BICRA: variants seen among roughly 807,000 people sequenced by gnomAD.
The protein encoded by BICRA is BRD4-interacting chromatin-remodeling complex-associated protein.
In BICRA, 31 loss-of-function variants were observed where a neutral mutation model predicts 96.9. The ratio of observed to expected loss-of-function variants is 0.32; its 90% CI spans 0.24 to 0.43. BICRA has a LOEUF of 0.43. BICRA is among the 20% of genes least tolerant of loss of function. The pLI is 1.00. For synonymous variants in BICRA, 1,350 were observed against 1,071.8 expected, an observed-to-expected ratio of 1.26 and a Z score of -5.07; for missense variants, 2,283 against 2,190.3, an observed-to-expected ratio of 1.04 and a Z score of -0.84.
chr19:47,699,429 A>T lies in BICRA; in HGVS notation c.3595+24A>T. On this transcript the variant is annotated intron_variant, in intron 14 of 14. Coordinates refer to ENST00000594866, the MANE Select transcript of BICRA (RefSeq NM_001394372.1). The surrounding 1 kb of genome is among the most constrained non-coding windows in gnomAD (Gnocchi z 5.0). ...GGGTGAGAGGGGGGAGTGAGAGGGG[A>T]GGGGAGGGAGAGGTGCCCCCACCCC... 9 of 1,182,306 alleles carry T rather than the reference A, an allele frequency of 7.6e-6. No individual in the cohort carries two copies. The highest frequency in any genetic ancestry group is 1.5e-5 in the African/African-American group (1 of 65,982). 73.2% of individuals were successfully genotyped at this position (1,182,306 alleles called of 1,614,324 possible).
In BICRA at chr19:47,701,653, G is replaced by T. The variant is rs1329025944; in HGVS notation, c.3921G>T (p.Gly1307=). 6.3e-7 allele frequency: 1 copy of T among 1,599,084 alleles called. No individual in the cohort carries two copies. Among genetic ancestry groups the T allele is most frequent in the Admixed American group, 1.7e-5 (1 of 58,326 alleles). ...CCTACGAGGCCCGGAGCCGCATCGG[G>T]CTCAAGCTCAAGATCAAGCAGGAAG... ...IKTYEARSRI[G]LKLKIKQEAG... is the part of the protein sequence containing the mutation. The change falls in exon 15 of 15, where the codon GGG becomes GGT. Residue 1307 remains glycine, a synonymous_variant. Coordinates refer to ENST00000594866, the MANE Select transcript of BICRA (RefSeq NM_001394372.1). This position sits in a 1 kb window ranked among gnomAD's most constrained non-coding sequence, Gnocchi z 5.4.
Position 47,701,497 on chromosome 19 carries a change from C to T in BICRA, c.3765C>T (p.Gly1255=). 1.3e-6 allele frequency: 2 copies of T among 1,548,614 alleles called. No homozygotes were observed. Among genetic ancestry groups the T allele is most frequent in the East Asian group, 2.4e-5 (1 of 40,860 alleles). The change falls in exon 15 of 15, where the codon GGC becomes GGT. Residue 1255 remains glycine, a synonymous_variant. Transcript: ENST00000594866. The surrounding 1 kb of genome is among the most constrained non-coding windows in gnomAD (Gnocchi z 5.4). ...TGATCCGGCACGGCGGGGCAGGCGG[C>T]TCCCCTTCGGTCACCTGGGCCCGGG... The part of the protein sequence containing the change: ...KLVIRHGGAG[G]SPSVTWARAS...
At chr19:47,635,067 C>G (rs550475900) in intron 1 of BICRA, among the ~76,000 whole-genome samples, 1 of 151,628 alleles carries the variant, frequency 6.6e-6, no homozygotes, top group East Asian at 2.0e-4. Context: ...TGGCCACATA[C>G]GTAAAGCTTT....
intron 6 of BICRA, 101 bp downstream of exon 6, chr19:47,681,377 G>T: frequency 1.9e-6 from 2 of 1,029,282 alleles, no homozygotes; most frequent in Non-Finnish European, 2.7e-6. Flanking sequence ...GGATGCCACT[G>T]TGGCAGCTGG....
Position 47,653,957 on chromosome 19 carries a change from C to T in BICRA, c.-107-16486C>T, listed in dbSNP as rs1429661368. Among the ~76,000 whole-genome samples, 9 of 152,256 alleles carry T rather than the reference C, an allele frequency of 5.9e-5. No homozygotes were observed. In the East Asian group the frequency reaches 9.7e-4, roughly 16 times the overall value. Reference sequence around the variant, plus strand: ...AAGTGACTCTCCTGCCTCAGGCTCCCGAGTAGCTGGTATTACAAGCGTGAG... The same window carrying T: ...AAGTGACTCTCCTGCCTCAGGCTCCTGAGTAGCTGGTATTACAAGCGTGAG... On this transcript the variant is annotated intron_variant, in intron 1 of 14. Coordinates refer to ENST00000594866, the MANE Select transcript of BICRA (RefSeq NM_001394372.1).
At chr19:47,631,799 C>T (rs1299365769) in intron 1 of BICRA, among the ~76,000 whole-genome samples, 3 of 152,238 alleles carry the variant, frequency 2.0e-5, no homozygotes, top group Admixed American at 6.5e-5. Context: ...CAGGTGCACA[C>T]TACCACGCCT....
intron 7 of BICRA, 79 bp from the exon 8 acceptor site, chr19:47,694,036 A>C (rs1973282691): frequency 7.0e-7 from 1 of 1,422,694 alleles, no homozygotes; most frequent in Non-Finnish European, 9.2e-7. Flanking sequence ...ATGGCTGGGG[A>C]CCCCAGTGTC....
At chr19:47,645,763 T>G (rs1234247766) in intron 1 of BICRA, among the ~76,000 whole-genome samples, 1 of 152,206 alleles carries the variant, frequency 6.6e-6, no homozygotes, top group Non-Finnish European at 1.5e-5. Context: ...CCTCAGGCAT[T>G]CAGTTTGCAC....
intron 1 of BICRA, 64 bp downstream of exon 1, chr19:47,609,232 G>C (rs1294277392): frequency 6.6e-6 from 1 of 150,928 alleles, no homozygotes; most frequent in Non-Finnish European, 1.5e-5. Context: ...CTGCGAGTCG[G>C]GGCTGTGACA....
chr19:47,655,525 C>CAAA (rs58172799), intron 1 of BICRA, among the ~76,000 whole-genome samples: 1,122 of 65,008 alleles, frequency 0.017, 25 homozygotes, highest in African/African-American at 0.065. Flanking sequence ...AACTCTGTCT[C>CAAA]AAAAAAAAAA....
chr19:47,673,668 C>G, intron 3 of BICRA, 52 bp from the exon 4 acceptor site: 1 of 1,565,930 alleles, frequency 6.4e-7, no homozygotes, highest in Non-Finnish European at 8.8e-7. Context: ...CCTCCCTTCC[C>G]TCCCCTCCCC....
At chr19:47,616,519 A>G (rs2123505182) in intron 1 of BICRA, among the ~76,000 whole-genome samples, 1 of 152,120 alleles carries the variant, frequency 6.6e-6, no homozygotes, top group South Asian at 2.1e-4. Context: ...CATGCTTGTA[A>G]TCCCAGCTAC....
chr19:47,681,961 G>T lies in BICRA; in HGVS notation c.2107-15G>T, dbSNP rs1416692744. The T allele has an allele frequency of 2.6e-6, 4 of 1,539,230 alleles. No individual in the cohort carries two copies. The African/African-American group carries it at 5.5e-5, about 21-fold the overall frequency. On this transcript the variant is annotated splice_polypyrimidine_tract_variant and intron_variant, in intron 6 of 14. Transcript: ENST00000594866. ...GGGGGCGGCTTTCTGATCCTGTGCG[G>T]GCTGCCCGTTGCAGGAGAGGAGCCA...
At chr19:47,666,728 C>A (rs2123567512) in intron 1 of BICRA, among the ~76,000 whole-genome samples, 1 of 152,130 alleles carries the variant, frequency 6.6e-6, no homozygotes, top group Non-Finnish European at 1.5e-5. Flanking sequence ...CCCACCACCA[C>A]CCCCTGGCTA....
chr19:47,664,152 C>G (rs561540022), intron 1 of BICRA, among the ~76,000 whole-genome samples: 16 of 152,160 alleles, frequency 1.1e-4, no homozygotes, highest in Non-Finnish European at 2.4e-4. Flanking sequence ...TGATATCGTT[C>G]TGGAGACTTT....
At chr19:47,629,025 G>A (rs187251797) in intron 1 of BICRA, among the ~76,000 whole-genome samples, 51 of 151,278 alleles carry the variant, frequency 3.4e-4, no homozygotes, top group Admixed American at 6.6e-4. Context: ...TTTTTGAGAT[G>A]CAGTCTCGCT....
chr19:47,695,453 A>T lies in BICRA; in HGVS notation c.3165A>T (p.Pro1055=). The T allele has an allele frequency of 6.4e-7, 1 of 1,569,220 alleles. No homozygotes were observed. The highest frequency in any genetic ancestry group is 8.7e-7 in the Non-Finnish European group (1 of 1,150,886). The change falls in exon 10 of 15, where the codon CCA becomes CCT. Residue 1055 remains proline, a synonymous_variant. Transcript: ENST00000594866. ...LNVAKAASSG[P]GKPSGLQYES... is the part of the protein sequence containing the mutation. ...TGGCCAAGGCCGCTTCCTCCGGGCCAGGGAAGCCCTCCGGGCTGCAGGTAA... is the reference window on the plus strand; with the variant it reads ...TGGCCAAGGCCGCTTCCTCCGGGCCTGGGAAGCCCTCCGGGCTGCAGGTAA...
At chr19:47,682,349 G>A (rs1973078405) in intron 7 of BICRA, among the ~76,000 whole-genome samples, 197 bp downstream of exon 7, 2 of 152,182 alleles carry the variant, frequency 1.3e-5, no homozygotes, top group Admixed American at 6.5e-5. Flanking sequence ...GGGAGCCCAC[G>A]CGCTGCAGGA....
chr19:47,650,791 A>G (rs1005565336), intron 1 of BICRA, among the ~76,000 whole-genome samples: 1 of 152,068 alleles, frequency 6.6e-6, no homozygotes, highest in African/African-American at 2.4e-5. Context: ...TTAGAGGGAA[A>G]TGGGCTTCAC....
Sources: gnomAD v4.1 joint callset for allele counts (sites outside exome capture counted in the v4.1 genomes callset) on GRCh38, gnomAD v4.1.1 for gene constraint, Gnocchi (gnomAD v3.1) non-coding constraint, MANE v1.5 for transcripts, NCBI Gene and HGNC (gene_info 2026-07-23, HGNC 2026-07-21) for gene names.